OR2T6: variants seen among roughly 807,000 people sequenced by gnomAD.
OR2T6 encodes olfactory receptor family 2 subfamily T member 6.
For synonymous variants in OR2T6, 174 were observed against 148.0 expected, an observed-to-expected ratio of 1.18 and a Z score of -1.27; for missense variants, 424 against 391.6, an observed-to-expected ratio of 1.08 and a Z score of -0.70.
At chr1:248,377,549 G>C (rs1226333570) in intron 1 of OR2T6, among the ~76,000 whole-genome samples, 1 of 152,210 alleles carries the variant, frequency 6.6e-6, no homozygotes, top group Non-Finnish European at 1.5e-5. Flanking sequence ...AAGTTGAAGA[G>C]GTGTCATGAG....
chr1:248,376,608 A>G (rs1660941708), intron 1 of OR2T6, among the ~76,000 whole-genome samples: 1 of 152,116 alleles, frequency 6.6e-6, no homozygotes, highest in African/African-American at 2.4e-5. Flanking sequence ...CTGTTGTTTC[A>G]TCTATAAAAT....
rs373690193 is a variant in OR2T6, at chr1:248,388,112, C to T, written c.504C>T (p.Phe168=). ...LLTPITMSLP[F]CASHQINHFF... ...CCCCCATTACCATGAGTCTCCCGTT[C>T]TGTGCCTCTCACCAAATCAATCACT... is the stretch of plus-strand genomic sequence containing the variant. Residue 168 remains phenylalanine, a synonymous_variant, in exon 3 of 3, where the codon TTC becomes TTT. Transcript: ENST00000641644. 1.2e-5 allele frequency: 20 copies of T among 1,613,942 alleles called. 1 individual carries two copies. Among genetic ancestry groups the T allele is most frequent in the African/African-American group, 1.1e-4 (8 of 74,910 alleles).
chr1:248,383,299 T>A (rs112780927), intron 1 of OR2T6, among the ~76,000 whole-genome samples: 52 of 114,248 alleles, frequency 4.6e-4, no homozygotes, highest in Admixed American at 3.4e-4. Flanking sequence ...CCTATCCTGA[T>A]GTGTTTCCTA....
rs6700947 is a variant in OR2T6 at position 248,387,902 on chromosome 1, T to C, written c.294T>C (p.Thr98=). 305,335 of 1,599,566 alleles carry C rather than the reference T, an allele frequency of 0.19. 35,482 individuals carry two copies. Among genetic ancestry groups the C allele is most frequent in the African/African-American group, 0.44 (33,141 of 74,534 alleles). ...GEGTISFIAC[T]AQCFLYMGFM... The stretch of plus-strand genomic sequence containing the variant: ...GGACCATCTCTTTCATCGCCTGCAC[T>C]GCTCAGTGCTTTCTCTACATGGGCT... Residue 98 remains threonine, a synonymous_variant, in exon 3 of 3, where the codon ACT becomes ACC. Transcript: ENST00000641644.
intron 1 of OR2T6, among the ~76,000 whole-genome samples, chr1:248,382,735 G>C (rs998586641): frequency 3.3e-5 from 5 of 151,970 alleles, no homozygotes; most frequent in Non-Finnish European, 7.4e-5. Context: ...TGTTGGCCAG[G>C]CTGGTCTTGA....
intron 1 of OR2T6, among the ~76,000 whole-genome samples, chr1:248,377,085 T>C: frequency 6.6e-6 from 1 of 152,178 alleles, no homozygotes; most frequent in South Asian, 2.1e-4. Flanking sequence ...TATCGTGTGA[T>C]GGTTGGTTGG....
At position 248,389,542 on chromosome 1, in the gene OR2T6, A is replaced by T. The variant is rs979932609; in HGVS notation, c.*1007A>T. On this transcript the variant is annotated 3_prime_UTR_variant, in exon 3 of 3. Coordinates refer to ENST00000641644, the MANE Select transcript of OR2T6 (RefSeq NM_001005471.2). ...CATGAGCGGTGCAAAGTTAGAAATA[A>T]CCAGGACCACAAATGCTTGTGTCTT... 2.0e-5 allele frequency: 3 copies of T among 152,290 alleles called. No homozygotes were observed. The highest frequency in any genetic ancestry group is 7.2e-5 in the African/African-American group (3 of 41,552). 9.4% of individuals were successfully genotyped at this position (152,290 alleles called of 1,614,324 possible).
rs759247532 is a variant in OR2T6 at position 248,388,245 on chromosome 1, G to T, written c.637G>T (p.Val213Leu). 6.2e-7 allele frequency: 1 copy of T among 1,613,950 alleles called. No individual in the cohort carries two copies. Among genetic ancestry groups the T allele is most frequent in the Non-Finnish European group, 8.5e-7 (1 of 1,179,942 alleles). ...TGCAATGCTGCTGATCCCCTTCTCG[G>T]TGGTGACTGCATCCTACACCAGGAT... ...CVAMLLIPFS[V>L]VTASYTRILI... Residue 213 changes from valine to leucine, a missense_variant, in exon 3 of 3, where the codon GTG becomes TTG. Val to Leu is a conservative substitution (Grantham distance 32). Transcript: ENST00000641644.
rs756572193 is a variant in OR2T6, at chr1:248,388,175, T to C, written c.567T>C (p.Cys189=). 1.2e-6 allele frequency: 2 copies of C among 1,613,890 alleles called. No homozygotes were observed. The highest frequency in any genetic ancestry group is 4.5e-5 in the East Asian group (2 of 44,802). ...CEAPTMLRLA[C]GDKTTYETVM... is the part of the protein sequence containing the mutation. ...CACCCACCATGCTGAGGCTGGCCTG[T>C]GGGGACAAAACCACCTATGAAACAG... Residue 189 remains cysteine, a synonymous_variant, in exon 3 of 3, where the codon TGT becomes TGC. Transcript: ENST00000641644.
intron 1 of OR2T6, among the ~76,000 whole-genome samples, chr1:248,380,556 A>C (rs1322527562): frequency 6.6e-6 from 1 of 151,954 alleles, no homozygotes; most frequent in Non-Finnish European, 1.5e-5. Context: ...ATCTTTATTA[A>C]CATCACATAT....
chr1:248,389,174 T>C lies in OR2T6; in HGVS notation c.*639T>C, dbSNP rs1378489310. The C allele has an allele frequency of 6.6e-6, 1 of 152,214 alleles. No individual in the cohort carries two copies. The highest frequency in any genetic ancestry group is 1.5e-5 in the Non-Finnish European group (1 of 68,056). 9.4% of individuals were successfully genotyped at this position (152,214 alleles called of 1,614,324 possible). ...AAATCTTTATGGGGGAGGGAGTCTGTAATGTTAGTTTTTTAATATGGTAAC... is the reference window on the plus strand; with the variant it reads ...AAATCTTTATGGGGGAGGGAGTCTGCAATGTTAGTTTTTTAATATGGTAAC... On this transcript the variant is annotated 3_prime_UTR_variant, in exon 3 of 3. Transcript: ENST00000641644.
Position 248,378,124 on chromosome 1 carries a change from C to G in OR2T6, c.-159+2070C>G, listed in dbSNP as rs552680028. 3.5e-4 allele frequency among the ~76,000 whole-genome samples: 53 copies of G among 152,240 alleles called. 1 individual carries two copies. Among genetic ancestry groups the G allele is most frequent in the Admixed American group, 3.3e-3 (50 of 15,272 alleles). Reference sequence around the variant, plus strand: ...CTTCATATATTATTCCCACTTCATACTATTTATTTCCTCAGAATAAACTGA... The same window carrying G: ...CTTCATATATTATTCCCACTTCATAGTATTTATTTCCTCAGAATAAACTGA... On this transcript the variant is annotated intron_variant, in intron 1 of 2. Transcript: ENST00000641644.
intron 2 of OR2T6, among the ~76,000 whole-genome samples, chr1:248,385,430 C>T (rs1391468216): frequency 6.6e-6 from 1 of 152,134 alleles, no homozygotes; most frequent in African/African-American, 2.4e-5. Flanking sequence ...AATGCTATTA[C>T]CTAACATCTT....
intron 1 of OR2T6, among the ~76,000 whole-genome samples, chr1:248,382,783 C>T (rs1661062326): frequency 6.6e-6 from 1 of 152,250 alleles, no homozygotes. Flanking sequence ...TTTGGCCTCC[C>T]AAAATGCTGG....
At chr1:248,383,227 C>T (rs1437564126) in intron 1 of OR2T6, among the ~76,000 whole-genome samples, 2 of 79,180 alleles carry the variant, frequency 2.5e-5, no homozygotes, top group Non-Finnish European at 4.5e-5. Flanking sequence ...TCATCCTATC[C>T]TGAAGTGTAT....
chr1:248,387,872 C>G lies in OR2T6; in HGVS notation c.264C>G (p.Gly88=), dbSNP rs151042656. 1 of 1,596,334 alleles carries G rather than the reference C, an allele frequency of 6.3e-7. No individual in the cohort carries two copies. Among genetic ancestry groups the G allele is most frequent in the African/African-American group, 1.3e-5 (1 of 74,692 alleles). The part of the protein sequence containing the change: ...VPKMLVDYLM[G]EGTISFIACT... ...AGATGCTGGTAGATTATCTCATGGG[C>G]GAGGGGACCATCTCTTTCATCGCCT... Residue 88 remains glycine, a synonymous_variant, in exon 3 of 3, where the codon GGC becomes GGG. Coordinates refer to ENST00000641644, the MANE Select transcript of OR2T6 (RefSeq NM_001005471.2).
intron 1 of OR2T6, among the ~76,000 whole-genome samples, chr1:248,378,126 A>G (rs912539794): frequency 6.6e-6 from 1 of 152,156 alleles, no homozygotes; most frequent in African/African-American, 2.4e-5. Flanking sequence ...ACTTCATACT[A>G]TTTATTTCCT....
intron 1 of OR2T6, among the ~76,000 whole-genome samples, chr1:248,377,594 C>T (rs73148174): frequency 0.064 from 9,797 of 152,280 alleles, 894 homozygotes; most frequent in African/African-American, 0.2. Context: ...CCTGTCAGAG[C>T]GCGTCACAGA....
chr1:248,388,618 G>T lies in OR2T6; in HGVS notation c.*83G>T. On this transcript the variant is annotated 3_prime_UTR_variant, in exon 3 of 3. Coordinates refer to ENST00000641644, the MANE Select transcript of OR2T6 (RefSeq NM_001005471.2). ...TCAGGCATATATGGGGTCGTATCATGGATACCACGGATGATGCTGACAGGA... is the reference window on the plus strand; with the variant it reads ...TCAGGCATATATGGGGTCGTATCATTGATACCACGGATGATGCTGACAGGA... The T allele has an allele frequency of 1.0e-6, 1 of 1,004,418 alleles. No individual in the cohort carries two copies. Among genetic ancestry groups the T allele is most frequent in the Non-Finnish European group, 1.4e-6 (1 of 690,874 alleles). 62.2% of individuals were successfully genotyped at this position (1,004,418 alleles called of 1,614,324 possible).
Sources: allele counts gnomAD v4.1 joint callset (sites outside exome capture counted in the v4.1 genomes callset), GRCh38; gene constraint gnomAD v4.1.1; transcripts MANE v1.5; gene names NCBI Gene and HGNC (gene_info 2026-07-23, HGNC 2026-07-21).